Variants in CTNNA2 observed in about 807,000 individuals in gnomAD.
CTNNA2 encodes catenin alpha 2.
Under a neutral mutation model 101.0 loss-of-function variants are expected in CTNNA2, and 42 were observed. That is an observed-to-expected ratio of 0.42 (90% CI 0.32 to 0.54). The LOEUF (loss-of-function observed/expected upper bound fraction) is 0.54, where lower values mean the gene tolerates loss of function less well. Among genes scored for constraint, CTNNA2 ranks in the 20% least tolerant of loss-of-function variants. The pLI is 0.14. For synonymous variants in CTNNA2, 450 were observed against 456.4 expected (o/e 0.99, Z 0.18); for missense variants, 871 against 1,223.1 (o/e 0.71, Z 4.29).
At chr2:79,200,265 C>A (rs1003740468) in intron 2 of CTNNA2, among the ~76,000 whole-genome samples, 1 of 151,826 alleles carries the variant, frequency 6.6e-6, no homozygotes, top group Non-Finnish European at 1.5e-5. Flanking sequence ...GCACCTGTAG[C>A]GTCAGCTACT....
chr2:80,460,506 C>T (rs972562830), intron 9 of CTNNA2, among the ~76,000 whole-genome samples: 4 of 152,068 alleles, frequency 2.6e-5, no homozygotes, highest in African/African-American at 9.7e-5. Context: ...GTAAACTTAT[C>T]CCTTTATGTA....
chr2:79,830,547 A>G (rs542267468), intron 3 of CTNNA2, among the ~76,000 whole-genome samples: 40 of 152,318 alleles, frequency 2.6e-4, no homozygotes, highest in Non-Finnish European at 5.4e-4. Flanking sequence ...TTGCCCAGGT[A>G]TGATCCTGGC....
intron 7 of CTNNA2, among the ~76,000 whole-genome samples, chr2:80,278,502 C>T (rs1484888367): frequency 6.6e-6 from 1 of 152,046 alleles, no homozygotes; most frequent in Non-Finnish European, 1.5e-5. Context: ...ATCCAGTCAG[C>T]CTGGGCTAGT....
chr2:79,961,188 C>T (rs563772202), intron 7 of CTNNA2, among the ~76,000 whole-genome samples: 100 of 152,266 alleles, frequency 6.6e-4, no homozygotes, highest in Non-Finnish European at 1.2e-3. Context: ...GCAGGCTCCC[C>T]ATAGTATAAT....
At chr2:80,363,887 T>G (rs901884200) in intron 7 of CTNNA2, among the ~76,000 whole-genome samples, 1 of 152,190 alleles carries the variant, frequency 6.6e-6, no homozygotes, top group Non-Finnish European at 1.5e-5. Flanking sequence ...ATACCATTAA[T>G]TAAGTGTCTG....
rs541542490 is a variant in CTNNA2 at position 79,345,469 on chromosome 2, G to A, written c.-317-28362G>A. Among the ~76,000 whole-genome samples the A allele has an allele frequency of 7.2e-5, 11 of 152,166 alleles. 1 individual carries two copies. The highest frequency in any genetic ancestry group is 1.2e-4 in the African/African-American group (5 of 41,530). ...TGGTCCCACCAAGGACAAAAATAAC[G>A]CAAAGACAATGACCTCTCCTTTACT... On this transcript the variant is annotated intron_variant, in intron 3 of 21. Transcript: ENST00000466387.
chr2:80,001,849 G>A (rs927081212), intron 7 of CTNNA2, among the ~76,000 whole-genome samples: 17 of 152,134 alleles, frequency 1.1e-4, no homozygotes, highest in African/African-American at 3.6e-4. Context: ...AACATAAAGT[G>A]TGCTATTCTA....
chr2:80,047,748 G>A (rs1343276345), intron 7 of CTNNA2, among the ~76,000 whole-genome samples: 1 of 152,188 alleles, frequency 6.6e-6, no homozygotes, highest in Non-Finnish European at 1.5e-5. Context: ...GGAATCCTGG[G>A]TCTGACTAGA....
chr2:79,804,955 A>G (rs531154545), intron 3 of CTNNA2, among the ~76,000 whole-genome samples: 8 of 152,310 alleles, frequency 5.3e-5, no homozygotes, highest in Non-Finnish European at 1.0e-4. Context: ...GAAGAGCAAG[A>G]ATGAGCTGGG....
intron 3 of CTNNA2, among the ~76,000 whole-genome samples, chr2:79,781,217 GC>G (rs1674398479): frequency 6.6e-6 from 1 of 152,132 alleles, no homozygotes; most frequent in African/African-American, 2.4e-5. Flanking sequence ...TCCTGACGTT[GC>G]CATGGCATTT....
chr2:80,303,648 T>C lies in CTNNA2; in HGVS notation c.1057-89563T>C. 1 of 1,613,200 alleles carries C rather than the reference T, an allele frequency of 6.2e-7. No individual in the cohort carries two copies. Among genetic ancestry groups the C allele is most frequent in the Non-Finnish European group, 8.5e-7 (1 of 1,179,566 alleles). Reference sequence around the variant, plus strand: ...CCGGACAGGTTGTGGGGCGCCTCGGTGAGGTTGAGCGCCTCGCAGTACAGC... The same window carrying C: ...CCGGACAGGTTGTGGGGCGCCTCGGCGAGGTTGAGCGCCTCGCAGTACAGC... On this transcript the variant is annotated intron_variant, in intron 7 of 18. Transcript: ENST00000402739. The surrounding 1 kb of genome is among the most constrained non-coding windows in gnomAD (Gnocchi z 7.7).
upstream of CTNNA2, among the ~76,000 whole-genome samples, chr2:79,512,821 C>A (rs182159339): frequency 7.9e-5 from 12 of 151,524 alleles, no homozygotes; most frequent in African/African-American, 2.9e-4. Context: ...GCCCGCGGCC[C>A]CCCACCCAGC....
chr2:79,630,571 G>GA (rs1487062893), intron 1 of CTNNA2, among the ~76,000 whole-genome samples: 3 of 152,172 alleles, frequency 2.0e-5, no homozygotes, highest in Admixed American at 2.0e-4. Context: ...GTAAGACACA[G>GA]AAACAAATAG....
chr2:80,318,105 A>C (rs1573700338), intron 7 of CTNNA2, among the ~76,000 whole-genome samples: 1 of 152,212 alleles, frequency 6.6e-6, no homozygotes, highest in East Asian at 1.9e-4. Flanking sequence ...TCAATCATGT[A>C]GTGGGTACTT....
At chr2:79,542,737 A>G (rs1673498344) in intron 1 of CTNNA2, among the ~76,000 whole-genome samples, 1 of 152,198 alleles carries the variant, frequency 6.6e-6, no homozygotes, top group South Asian at 2.1e-4. Flanking sequence ...TTAATTTTGG[A>G]AATCTCACAT....
At chr2:79,707,444 T>G (rs1241186905) in intron 2 of CTNNA2, among the ~76,000 whole-genome samples, 2 of 152,188 alleles carry the variant, frequency 1.3e-5, no homozygotes, top group Admixed American at 6.5e-5. Flanking sequence ...CTCACCCACC[T>G]CGCTAGGAAA....
intron 7 of CTNNA2, among the ~76,000 whole-genome samples, chr2:80,095,017 C>G (rs1389814421): frequency 6.6e-6 from 1 of 152,156 alleles, no homozygotes; most frequent in Non-Finnish European, 1.5e-5. Context: ...CCTGATTGCC[C>G]TGGCCAGAAC....
intron 1 of CTNNA2, among the ~76,000 whole-genome samples, chr2:79,558,744 CAAAGA>C (rs1573341349): frequency 1.3e-5 from 2 of 152,080 alleles, no homozygotes; most frequent in East Asian, 3.9e-4. Flanking sequence ...CCTACATGCA[CAAAGA>C]CTCAGCGTTT....
At chr2:79,933,225 G>C (rs1687565348) in intron 7 of CTNNA2, among the ~76,000 whole-genome samples, 1 of 152,022 alleles carries the variant, frequency 6.6e-6, no homozygotes, top group African/African-American at 2.4e-5. Context: ...ATAGATTCAT[G>C]GGTTTAATAT....
Sources: allele counts gnomAD v4.1 joint callset (sites outside exome capture counted in the v4.1 genomes callset), GRCh38; gene constraint gnomAD v4.1.1; non-coding constraint Gnocchi (gnomAD v3.1); transcripts MANE v1.5; gene names NCBI Gene and HGNC (gene_info 2026-07-23, HGNC 2026-07-21).